The following ADAMTS6 variants were observed in gnomAD, a reference collection of about 807,000 sequenced individuals.
ADAMTS6 encodes the protein ADAM metallopeptidase with thrombospondin type 1 motif 6.
A neutral mutation model predicts 144.3 loss-of-function variants in ADAMTS6; 23 were observed. That is an observed-to-expected ratio of 0.16 (90% CI 0.11 to 0.23). The LOEUF is 0.23. Among genes scored for constraint, ADAMTS6 ranks in the 10% least tolerant of loss-of-function variants. The pLI is 1.00. For synonymous variants in ADAMTS6, 444 were observed against 457.5 expected, an observed-to-expected ratio of 0.97 and a Z score of 0.38; for missense variants, 999 against 1,379.6, an observed-to-expected ratio of 0.72 and a Z score of 4.37.
chr5:65,291,429 C>T lies in ADAMTS6; in HGVS notation c.1412G>A (p.Arg471His), dbSNP rs557866246. The T allele has an allele frequency of 1.2e-6, 2 of 1,613,876 alleles. No individual in the cohort carries two copies. The highest frequency in any genetic ancestry group is 1.7e-6 in the Non-Finnish European group (2 of 1,179,890). ...GGCCACAGCTGGATAAAGAAAGTCA[C>T]GCTTGGGAGGCTCATTATCAAGGCA... The part of the protein sequence containing the change: ...GTCLDNEPPK[R>H]DFLYPAVAPG... Residue 471 changes from arginine to histidine, a missense_variant, in exon 11 of 25, where the codon CGT (arginine) becomes CAT (histidine). Arg to His is a conservative substitution (Grantham distance 29). This residue lies in a region of ADAMTS6 where 619 missense variants were observed against 837.0 expected (regional missense o/e 0.74). Transcript: ENST00000381055.
intron 9 of ADAMTS6, among the ~76,000 whole-genome samples, chr5:65,317,917 C>T (rs1316025719): frequency 6.6e-6 from 1 of 150,836 alleles, no homozygotes; most frequent in African/African-American, 2.4e-5. Flanking sequence ...ACTAAAAATA[C>T]AAAAAAAATT....
intron 21 of ADAMTS6, among the ~76,000 whole-genome samples, chr5:65,193,367 TAATA>T (rs1433346165): frequency 1.3e-5 from 2 of 151,884 alleles, no homozygotes; most frequent in African/African-American, 4.8e-5. Flanking sequence ...AATAACAAAA[TAATA>T]AATACTTCAA....
chr5:65,214,563 A>AC lies in ADAMTS6; in HGVS notation c.2575+230dup. 1.7e-6 allele frequency: 1 copy of AC among 598,112 alleles called. No individual in the cohort carries two copies. The highest frequency in any genetic ancestry group is 2.9e-6 in the Non-Finnish European group (1 of 341,038). 37.1% of individuals were successfully genotyped at this position (598,112 alleles called of 1,614,324 possible). On this transcript the variant is annotated intron_variant, in intron 20 of 24. Transcript: ENST00000381055. The surrounding 1 kb of genome is among the most constrained non-coding windows in gnomAD (Gnocchi z 4.6). ...TCTTGGGAGAAGCACCAGCAGAGAC[A>AC]CTCATTGTGCCAAGATGTATTTTAC...
At chr5:65,442,669 C>CTA (rs1757955248) in intron 7 of ADAMTS6, among the ~76,000 whole-genome samples, 1 of 151,890 alleles carries the variant, frequency 6.6e-6, no homozygotes, top group South Asian at 2.1e-4. Flanking sequence ...TGACATCTAA[C>CTA]TATATATATA....
At chr5:65,436,894 T>C (rs1488513578) in intron 7 of ADAMTS6, among the ~76,000 whole-genome samples, 1 of 151,770 alleles carries the variant, frequency 6.6e-6, no homozygotes, top group Non-Finnish European at 1.5e-5. Context: ...GAAATACCAC[T>C]ATCTTTATTA....
intron 7 of ADAMTS6, among the ~76,000 whole-genome samples, chr5:65,443,058 T>C (rs1309438822): frequency 6.6e-6 from 1 of 152,198 alleles, no homozygotes; most frequent in African/African-American, 2.4e-5. Flanking sequence ...AGGTACCACA[T>C]TTTCTTTATC....
chr5:65,275,405 AAGAAAGAAAGAAAAG>A (rs1762433807), intron 11 of ADAMTS6, among the ~76,000 whole-genome samples: 4 of 146,588 alleles, frequency 2.7e-5, no homozygotes, highest in Admixed American at 6.8e-5. Flanking sequence ...GAAAGAAAGA[AAGAAAGAAAGAAAAG>A]AAAGAAAGAA....
chr5:65,260,639 G>C lies in ADAMTS6; in HGVS notation c.1791C>G (p.Cys597Trp). The C allele has an allele frequency of 6.2e-7, 1 of 1,613,246 alleles. No individual in the cohort carries two copies. Among genetic ancestry groups the C allele is most frequent in the Non-Finnish European group, 8.5e-7 (1 of 1,179,638 alleles). Residue 597 changes from cysteine to tryptophan, a missense_variant, in exon 14 of 25, where the codon TGC becomes TGG. Transcript: ENST00000381055. ...SPAPSGGGKYCLGERKRYRSC... is the reference protein window; with the variant it reads ...SPAPSGGGKYWLGERKRYRSC... ...AGCGATACCGTTTCCTTTCCCCAAG[G>C]CAATATTTTCCACCTCCTGAAGGTC...
intron 12 of ADAMTS6, among the ~76,000 whole-genome samples, chr5:65,269,032 G>A (rs1761853774): frequency 6.6e-6 from 1 of 152,114 alleles, no homozygotes; most frequent in African/African-American, 2.4e-5. Flanking sequence ...GAAACTCAGA[G>A]TTAAGACCAG....
chr5:65,268,953 C>T (rs1229998764), intron 12 of ADAMTS6, among the ~76,000 whole-genome samples: 2 of 152,196 alleles, frequency 1.3e-5, no homozygotes, highest in Non-Finnish European at 2.9e-5. Flanking sequence ...CTATGAGCAG[C>T]TTTGGTTTTA....
intron 7 of ADAMTS6, among the ~76,000 whole-genome samples, chr5:65,354,424 A>C (rs1018061886): frequency 6.6e-6 from 1 of 151,818 alleles, no homozygotes; most frequent in Non-Finnish European, 1.5e-5. Flanking sequence ...GTATATATAC[A>C]TTATCTAGAT....
intron 7 of ADAMTS6, among the ~76,000 whole-genome samples, chr5:65,400,525 C>T (rs555424676): frequency 6.6e-6 from 1 of 152,210 alleles, no homozygotes; most frequent in South Asian, 2.1e-4. Context: ...TAGGTTTTTT[C>T]TTATTCTGTG....
At chr5:65,346,561 T>A (rs1432745681) in intron 7 of ADAMTS6, among the ~76,000 whole-genome samples, 1 of 151,456 alleles carries the variant, frequency 6.6e-6, no homozygotes, top group Non-Finnish European at 1.5e-5. Flanking sequence ...GTCTCTAAGA[T>A]TAGAACAGGA....
At chr5:65,339,873 T>C (rs775517646) in intron 7 of ADAMTS6, among the ~76,000 whole-genome samples, 3 of 151,936 alleles carry the variant, frequency 2.0e-5, no homozygotes, top group Non-Finnish European at 2.9e-5. Context: ...GGAACACTAA[T>C]AAGTTAACAA....
chr5:65,239,042 T>G (rs996315214), intron 15 of ADAMTS6, among the ~76,000 whole-genome samples: 2 of 152,010 alleles, frequency 1.3e-5, no homozygotes, highest in African/African-American at 4.8e-5. Context: ...CCGCATATTC[T>G]CACTCATAGG....
At chr5:65,235,212 AC>A (rs1382423445) in intron 15 of ADAMTS6, among the ~76,000 whole-genome samples, 1 of 152,184 alleles carries the variant, frequency 6.6e-6, no homozygotes, top group Non-Finnish European at 1.5e-5. Flanking sequence ...TTAGGTATTC[AC>A]ATCATACACA....
chr5:65,242,027 G>T, intron 15 of ADAMTS6, 77 bp downstream of exon 15: 2 of 984,932 alleles, frequency 2.0e-6, no homozygotes, highest in South Asian at 2.1e-5. Flanking sequence ...ATGTATGCAT[G>T]TGTTTGTATA....
intron 21 of ADAMTS6, among the ~76,000 whole-genome samples, chr5:65,192,512 A>G (rs1032609745): frequency 1.3e-5 from 2 of 152,060 alleles, no homozygotes; most frequent in African/African-American, 4.8e-5. Flanking sequence ...ATGAGGTCAT[A>G]TGCAGAAATA....
At chr5:65,322,759 T>C (rs1269398524) in intron 9 of ADAMTS6, among the ~76,000 whole-genome samples, 1 of 152,178 alleles carries the variant, frequency 6.6e-6, no homozygotes, top group African/African-American at 2.4e-5. Context: ...AAGTTGTTTA[T>C]CAGCTTAAGA....
Sources: gnomAD v4.1 joint callset for allele counts (sites outside exome capture counted in the v4.1 genomes callset) on GRCh38, gnomAD v4.1.1 for gene constraint, gnomAD v4.1.1 regional missense constraint, Gnocchi (gnomAD v3.1) non-coding constraint, MANE v1.5 for transcripts, NCBI Gene and HGNC (gene_info 2026-07-23, HGNC 2026-07-21) for gene names.